The following EBF2 variants were observed in gnomAD, a reference collection of about 807,000 sequenced individuals.
The protein encoded by EBF2 is EBF transcription factor 2, also known as transcription factor COE2.
EBF2 carries 21 observed loss-of-function variants against 72.8 expected under a neutral mutation model. The observed-to-expected ratio is 0.29, with a 90% CI of 0.20 to 0.42. EBF2 has a LOEUF of 0.42. Among genes scored for constraint, EBF2 ranks in the 10% least tolerant of loss-of-function variants. The pLI, the probability that EBF2 is intolerant of heterozygous loss-of-function variation, is 1.00. For missense variants in EBF2, 637 were observed against 731.2 expected (o/e 0.87, Z 1.49); for synonymous variants, 299 against 274.2 (o/e 1.09, Z -0.89).
intron 6 of EBF2, among the ~76,000 whole-genome samples, chr8:25,930,532 T>TTA (rs1160549334): frequency 6.6e-6 from 1 of 152,178 alleles, no homozygotes; most frequent in Non-Finnish European, 1.5e-5. Context: ...ACTGATTAAT[T>TTA]AACTCCAGCC....
chr8:25,860,823 C>T (rs989573405), intron 13 of EBF2, among the ~76,000 whole-genome samples: 1 of 152,150 alleles, frequency 6.6e-6, no homozygotes, highest in African/African-American at 2.4e-5. Context: ...GGTAGTAATA[C>T]TCAATCTTCC....
intron 7 of EBF2, among the ~76,000 whole-genome samples, chr8:25,895,980 TCTAA>T (rs1488363648): frequency 5.3e-5 from 8 of 152,020 alleles, no homozygotes; most frequent in African/African-American, 1.9e-4. Context: ...TTCTCAAAAC[TCTAA>T]CTGTATGATT....
intron 15 of EBF2, among the ~76,000 whole-genome samples, chr8:25,846,056 T>C (rs1801826352): frequency 6.6e-6 from 1 of 152,178 alleles, no homozygotes; most frequent in African/African-American, 2.4e-5. Context: ...ATTGAATGTT[T>C]GTGAGATCTG....
At chr8:25,973,997 A>G (rs1804229544) in intron 6 of EBF2, among the ~76,000 whole-genome samples, 1 of 152,190 alleles carries the variant, frequency 6.6e-6, no homozygotes, top group Admixed American at 6.5e-5. Context: ...CATTTCTATT[A>G]GAAAACCTAT....
chr8:25,963,415 A>G (rs1804065647), intron 6 of EBF2, among the ~76,000 whole-genome samples: 1 of 152,188 alleles, frequency 6.6e-6, no homozygotes, highest in Non-Finnish European at 1.5e-5. Context: ...ATTCTTCCCG[A>G]GTGCCAGCAG....
At chr8:25,921,951 A>C (rs1441067791) in intron 6 of EBF2, among the ~76,000 whole-genome samples, 1 of 152,200 alleles carries the variant, frequency 6.6e-6, no homozygotes, top group Non-Finnish European at 1.5e-5. Context: ...GCCATATCAC[A>C]TTATTGCTCA....
At chr8:25,867,317 T>G (rs1381279535) in intron 10 of EBF2, among the ~76,000 whole-genome samples, 2 of 152,248 alleles carry the variant, frequency 1.3e-5, no homozygotes, top group Non-Finnish European at 2.9e-5. Flanking sequence ...CAGTAGCTCT[T>G]GCTAAACACT....
intron 6 of EBF2, among the ~76,000 whole-genome samples, chr8:26,028,850 C>T (rs1049005485): frequency 2.6e-5 from 4 of 151,984 alleles, no homozygotes; most frequent in Non-Finnish European, 5.9e-5. Context: ...TGGTTTTTTC[C>T]CCTGATGGGG....
intron 6 of EBF2, among the ~76,000 whole-genome samples, chr8:25,932,000 T>C (rs1803489734): frequency 6.6e-6 from 1 of 152,194 alleles, no homozygotes; most frequent in African/African-American, 2.4e-5. Flanking sequence ...GGCTTTGATC[T>C]TGCTAGCAAG....
chr8:25,940,130 T>C (rs1254519044), intron 6 of EBF2, among the ~76,000 whole-genome samples: 1 of 152,192 alleles, frequency 6.6e-6, no homozygotes, highest in African/African-American at 2.4e-5. Context: ...GATGAAAGAA[T>C]AGACTATTAG....
intron 6 of EBF2, among the ~76,000 whole-genome samples, chr8:25,972,274 T>G (rs986414535): frequency 6.6e-6 from 1 of 152,052 alleles, no homozygotes; most frequent in Non-Finnish European, 1.5e-5. Flanking sequence ...AATTACAATC[T>G]TGGTCCACCC....
chr8:25,897,208 C>G (rs771200906), intron 7 of EBF2, among the ~76,000 whole-genome samples: 1 of 146,474 alleles, frequency 6.8e-6, no homozygotes, highest in Non-Finnish European at 1.5e-5. Context: ...AAGACGTGCT[C>G]TTTTCTTTTT....
intron 7 of EBF2, among the ~76,000 whole-genome samples, chr8:25,902,843 G>A (rs1334174956): frequency 6.6e-6 from 1 of 152,180 alleles, no homozygotes; most frequent in Non-Finnish European, 1.5e-5. Context: ...GAGGGGTGAA[G>A]GGTTCCCAGG....
chr8:25,863,979 T>A (rs1286619852), intron 10 of EBF2, among the ~76,000 whole-genome samples: 2 of 152,202 alleles, frequency 1.3e-5, no homozygotes, highest in African/African-American at 4.8e-5. Flanking sequence ...TATTTTAAAT[T>A]CCTGCATATT....
intron 10 of EBF2, among the ~76,000 whole-genome samples, chr8:25,864,402 T>C (rs1371929670): frequency 6.6e-6 from 1 of 152,174 alleles, no homozygotes; most frequent in Non-Finnish European, 1.5e-5. Context: ...AGATTTTTAA[T>C]ACTGTGGTAT....
At chr8:25,900,817 A>C (rs1355452655) in intron 7 of EBF2, among the ~76,000 whole-genome samples, 3 of 99,372 alleles carry the variant, frequency 3.0e-5, no homozygotes, top group Non-Finnish European at 6.5e-5. Flanking sequence ...AAAAGTGAGA[A>C]AACTAAAAAA....
intron 6 of EBF2, among the ~76,000 whole-genome samples, chr8:26,009,107 GAAAAAA>G (rs66503039): frequency 2.9e-4 from 25 of 85,030 alleles, no homozygotes; most frequent in Admixed American, 5.4e-4. Context: ...GAGTAAAAGC[GAAAAAA>G]AAAAAAAAAA....
At chr8:25,935,592 G>C (rs1217992737) in intron 6 of EBF2, among the ~76,000 whole-genome samples, 2 of 152,162 alleles carry the variant, frequency 1.3e-5, no homozygotes, top group Admixed American at 1.3e-4. Context: ...TGCCTTTCTT[G>C]TTTCTCAATG....
intron 8 of EBF2, 152 bp from the exon 9 acceptor site, chr8:25,888,124 C>CA: frequency 1.2e-6 from 1 of 850,348 alleles, no homozygotes; most frequent in Non-Finnish European, 1.7e-6. Flanking sequence ...AAACAACAAA[C>CA]AAAAAAGGTC....
Sources: allele counts gnomAD v4.1 joint callset (sites outside exome capture counted in the v4.1 genomes callset), GRCh38; gene constraint gnomAD v4.1.1; transcripts MANE v1.5; gene names NCBI Gene and HGNC (gene_info 2026-07-23, HGNC 2026-07-21).